The following IFT80 variants were observed in gnomAD, a reference collection of about 807,000 sequenced individuals.
IFT80 encodes intraflagellar transport protein 80 homolog.
Under a neutral mutation model 107.9 loss-of-function variants are expected in IFT80, and 79 were observed. The observed-to-expected ratio is 0.73, with a 90% CI of 0.61 to 0.88. IFT80 has a LOEUF of 0.88. Ranked by LOEUF, IFT80 falls within the 40% of genes least tolerant of loss-of-function variation. The pLI, the probability that IFT80 is intolerant of heterozygous loss-of-function variation, is 0.00. For missense variants in IFT80, 797 were observed against 914.2 expected (o/e 0.87, Z 1.65); for synonymous variants, 299 against 300.9 (o/e 0.99, Z 0.07).
intron 8 of IFT80, among the ~76,000 whole-genome samples, chr3:160,338,655 A>G (rs1719665006): frequency 6.6e-6 from 1 of 151,094 alleles, no homozygotes; most frequent in Non-Finnish European, 1.5e-5. Context: ...AGGGACCTGA[A>G]GGAGATGAGT....
intron 1 of IFT80, among the ~76,000 whole-genome samples, chr3:160,397,503 G>A (rs140060440): frequency 1.3e-5 from 2 of 152,176 alleles, no homozygotes; most frequent in Non-Finnish European, 2.9e-5. Flanking sequence ...AAATCCTTAT[G>A]GAGCATGTGC....
At chr3:160,280,589 G>C (rs1436616416) in intron 15 of IFT80, 78 bp downstream of exon 15, 2 of 1,273,104 alleles carry the variant, frequency 1.6e-6, no homozygotes, top group Non-Finnish European at 2.3e-6. Context: ...TTGCAGGATT[G>C]AAAATAGAAG....
intron 13 of IFT80, 84 bp downstream of exon 13, chr3:160,285,720 C>A: frequency 2.2e-6 from 2 of 927,890 alleles, no homozygotes; most frequent in Middle Eastern, 2.5e-4. Context: ...TCCTTTGTGT[C>A]CTCTTTAAAA....
chr3:160,267,907 G>A (rs1713469276), intron 19 of IFT80, among the ~76,000 whole-genome samples: 1 of 152,120 alleles, frequency 6.6e-6, no homozygotes, highest in South Asian at 2.1e-4. Flanking sequence ...CTGAGATTCT[G>A]GTAGGAGCCT....
intron 8 of IFT80, among the ~76,000 whole-genome samples, chr3:160,320,951 T>C (rs543460069): frequency 7.2e-5 from 11 of 151,982 alleles, no homozygotes; most frequent in East Asian, 3.9e-4. Flanking sequence ...ATAAAAATAC[T>C]GAAAGGCTCT....
chr3:160,291,910 G>A (rs940213992), intron 12 of IFT80, among the ~76,000 whole-genome samples: 1 of 152,212 alleles, frequency 6.6e-6, no homozygotes, highest in Non-Finnish European at 1.5e-5. Flanking sequence ...GGTATATGAA[G>A]CAAGTGGACA....
chr3:160,366,936 T>G (rs956199692), intron 5 of IFT80, among the ~76,000 whole-genome samples: 2 of 152,094 alleles, frequency 1.3e-5, no homozygotes, highest in Admixed American at 1.3e-4. Flanking sequence ...TCACTACCTT[T>G]CCCAGCATCT....
At chr3:160,289,986 A>G (rs1335035257) in intron 12 of IFT80, among the ~76,000 whole-genome samples, 1 of 152,200 alleles carries the variant, frequency 6.6e-6, no homozygotes, top group Non-Finnish European at 1.5e-5. Context: ...GGTTGGTAGA[A>G]TTAAGGTGAA....
intron 8 of IFT80, among the ~76,000 whole-genome samples, chr3:160,339,182 T>C (rs1324121296): frequency 2.0e-5 from 3 of 152,206 alleles, no homozygotes; most frequent in Admixed American, 6.5e-5. Flanking sequence ...ATGTAAGTAA[T>C]ATCTCTATTA....
intron 8 of IFT80, among the ~76,000 whole-genome samples, chr3:160,336,968 T>C (rs1280395790): frequency 1.3e-5 from 2 of 152,308 alleles, no homozygotes; most frequent in Middle Eastern, 3.4e-3. Context: ...ACAGCCTTTT[T>C]CCCCTCCTCT....
At chr3:160,302,388 T>C (rs1437667059) in intron 11 of IFT80, among the ~76,000 whole-genome samples, 1 of 152,074 alleles carries the variant, frequency 6.6e-6, no homozygotes, top group Non-Finnish European at 1.5e-5. Flanking sequence ...TATTGGTTTA[T>C]GAAAACAATA....
intron 15 of IFT80, among the ~76,000 whole-genome samples, chr3:160,280,182 T>C (rs892808875): frequency 6.6e-6 from 1 of 152,222 alleles, no homozygotes; most frequent in African/African-American, 2.4e-5. Flanking sequence ...GGAATATAAA[T>C]GGTTTGATTT....
chr3:160,278,379 A>T (rs1714432746), intron 16 of IFT80, among the ~76,000 whole-genome samples: 2 of 152,234 alleles, frequency 1.3e-5, no homozygotes, highest in Non-Finnish European at 2.9e-5. Flanking sequence ...AGGGTGGGGC[A>T]ACCAGCCTTC....
chr3:160,341,343 TAAA>T (rs10572114), intron 8 of IFT80, among the ~76,000 whole-genome samples: 15 of 143,130 alleles, frequency 1.0e-4, no homozygotes, highest in African/African-American at 1.1e-4. Context: ...TAACAATGAT[TAAA>T]AAAAAAAAAA....
At chr3:160,274,768 G>A (rs112239616) in intron 18 of IFT80, among the ~76,000 whole-genome samples, 22,053 of 151,998 alleles carry the variant, frequency 0.15, 2,124 homozygotes, top group Non-Finnish European at 0.21. Context: ...GTGAAAGCCC[G>A]TCTCTACTAC....
chr3:160,384,580 A>G lies in IFT80; in HGVS notation c.21T>C (p.Leu7=). 6.6e-7 allele frequency: 1 copy of G among 1,521,036 alleles called. No individual in the cohort carries two copies. Among genetic ancestry groups the G allele is most frequent in the Non-Finnish European group, 9.1e-7 (1 of 1,096,372 alleles). 94.2% of individuals were successfully genotyped at this position (1,521,036 alleles called of 1,614,324 possible). A position where few individuals can be genotyped will look rare whatever the true frequency, so the allele number is the denominator to read the frequency against. The part of the protein sequence containing the change: MRLKIS[L]LKEPKHQELV... ...AAAGGATATGCTTTGGTTCTTTTAA[A>G]AGAGATATCTTTAGTCTCATGACTC... Residue 7 remains leucine, a synonymous_variant, in exon 2 of 20, where the codon CTT becomes CTC. Coordinates refer to ENST00000326448, the MANE Select transcript of IFT80 (RefSeq NM_020800.3).
intron 8 of IFT80, among the ~76,000 whole-genome samples, chr3:160,329,789 T>C (rs1162550813): frequency 1.3e-5 from 2 of 152,096 alleles, no homozygotes; most frequent in Non-Finnish European, 2.9e-5. Flanking sequence ...AAGGCTTCCA[T>C]GTTATGTAAA....
Position 160,279,291 on chromosome 3 carries a change from G to C in IFT80, c.1738C>G (p.Leu580Val). 1 of 1,612,806 alleles carries C rather than the reference G, an allele frequency of 6.2e-7. No homozygotes were observed. The highest frequency in any genetic ancestry group is 8.5e-7 in the Non-Finnish European group (1 of 1,178,940). Residue 580 changes from leucine (L) to valine (V), a missense_variant, in exon 16 of 20, where the codon CTG (leucine) becomes GTG (valine). Leu to Val is a conservative substitution (Grantham distance 32, BLOSUM62 1). Transcript: ENST00000326448. ...TATGGTGTTATGCTGATGTGAACCA[G>C]GGAGCCATCAGCTCTTCTAATAGTT... ...QVTIRRADGS[L>V]VHISITPYPA...
chr3:160,306,035 A>G (rs1716810310), intron 10 of IFT80, among the ~76,000 whole-genome samples: 1 of 152,176 alleles, frequency 6.6e-6, no homozygotes, highest in South Asian at 2.1e-4. Flanking sequence ...GTGGTGATTC[A>G]TTCCCACTAC....
Sources: gnomAD v4.1 joint callset for allele counts (sites outside exome capture counted in the v4.1 genomes callset) on GRCh38, gnomAD v4.1.1 for gene constraint, MANE v1.5 for transcripts, NCBI Gene and HGNC (gene_info 2026-07-23, HGNC 2026-07-21) for gene names.